GSTCD: variants seen among roughly 807,000 people sequenced by gnomAD.
GSTCD encodes the protein glutathione S-transferase C-terminal domain containing.
Under a neutral mutation model 68.3 loss-of-function variants are expected in GSTCD, and 44 were observed. The ratio of observed to expected loss-of-function variants is 0.64; its 90% CI spans 0.51 to 0.83. The LOEUF (loss-of-function observed/expected upper bound fraction) is 0.83, where lower values mean the gene tolerates loss of function less well. Among genes scored for constraint, GSTCD ranks in the 40% least tolerant of loss-of-function variants. The pLI is 0.00. For synonymous variants in GSTCD, 273 were observed against 255.2 expected, an observed-to-expected ratio of 1.07 and a Z score of -0.67; for missense variants, 739 against 735.9, an observed-to-expected ratio of 1.00 and a Z score of -0.05.
chr4:105,823,200 G>C, intron 6 of GSTCD, 31 bp from the exon 7 acceptor site: 1 of 1,613,010 alleles, frequency 6.2e-7, no homozygotes, highest in Non-Finnish European at 8.5e-7. Flanking sequence ...GGGGACCAAA[G>C]CTAACTTGTT....
At chr4:105,844,809 A>C (rs1378609932) in intron 11 of GSTCD, among the ~76,000 whole-genome samples, 1 of 152,214 alleles carries the variant, frequency 6.6e-6, no homozygotes, top group Non-Finnish European at 1.5e-5. Context: ...CTTGCCAGTC[A>C]GGTTTCCTTT....
intron 5 of GSTCD, among the ~76,000 whole-genome samples, chr4:105,822,158 C>A (rs1208015869): frequency 6.6e-6 from 1 of 151,962 alleles, no homozygotes; most frequent in Non-Finnish European, 1.5e-5. Flanking sequence ...CAAATAATTT[C>A]ATTCATTCTT....
At chr4:105,822,175 A>G (rs985760075) in intron 5 of GSTCD, among the ~76,000 whole-genome samples, 3 of 152,016 alleles carry the variant, frequency 2.0e-5, no homozygotes, top group Non-Finnish European at 4.4e-5. Context: ...TCTTCTGAAG[A>G]TATTTTTATG....
intron 5 of GSTCD, among the ~76,000 whole-genome samples, chr4:105,731,017 G>C (rs945673855): frequency 6.6e-6 from 1 of 152,072 alleles, no homozygotes; most frequent in African/African-American, 2.4e-5. Flanking sequence ...TTTTTGTCAG[G>C]TTTGTCAAAG....
Position 105,823,057 on chromosome 4 carries a change from C to T in GSTCD, c.1344C>T (p.Phe448=). 1.9e-6 allele frequency: 3 copies of T among 1,613,122 alleles called. No individual in the cohort carries two copies. The highest frequency in any genetic ancestry group is 1.7e-4 in the Middle Eastern group (1 of 6,060). The change falls in exon 6 of 12, where the codon TTC becomes TTT. Residue 448 remains phenylalanine, a synonymous_variant. Transcript: ENST00000515279. Reference sequence around the variant, plus strand: ...AACCTGGTGACAGAATTGTGGATTTCTGCAGCGGTGGGGTATTTTATCTCT... The same window carrying T: ...AACCTGGTGACAGAATTGTGGATTTTTGCAGCGGTGGGGTATTTTATCTCT... ...QAKPGDRIVD[F]CSGGGHVGIV... is the part of the protein sequence containing the mutation.
At chr4:105,773,204 C>A (rs1307164725) in intron 5 of GSTCD, among the ~76,000 whole-genome samples, 1 of 152,014 alleles carries the variant, frequency 6.6e-6, no homozygotes, top group Non-Finnish European at 1.5e-5. Context: ...GTGGTGATAT[C>A]CCCTTTATCA....
intron 5 of GSTCD, among the ~76,000 whole-genome samples, chr4:105,768,190 G>C (rs1734696931): frequency 6.6e-6 from 1 of 151,882 alleles, no homozygotes; most frequent in Non-Finnish European, 1.5e-5. Flanking sequence ...ACCACGCCCG[G>C]CTAATTTTTT....
chr4:105,726,494 A>C (rs193144581), intron 3 of GSTCD, 85 bp from the exon 4 acceptor site: 2 of 784,682 alleles, frequency 2.5e-6, no homozygotes, highest in Non-Finnish European at 4.0e-6. Flanking sequence ...TAAATGTGTG[A>C]ATGTTGTGGT....
At chr4:105,730,631 T>A (rs1233087996) in intron 5 of GSTCD, among the ~76,000 whole-genome samples, 1 of 152,212 alleles carries the variant, frequency 6.6e-6, no homozygotes, top group African/African-American at 2.4e-5. Context: ...CATTGTAGAT[T>A]CTGGATATTA....
At chr4:105,798,969 G>A (rs1054721162) in intron 5 of GSTCD, among the ~76,000 whole-genome samples, 1 of 152,194 alleles carries the variant, frequency 6.6e-6, no homozygotes, top group Non-Finnish European at 1.5e-5. Context: ...TGAAAAATCT[G>A]TTCTTTAGTG....
At chr4:105,783,570 C>T (rs1346908952) in intron 5 of GSTCD, among the ~76,000 whole-genome samples, 3 of 151,910 alleles carry the variant, frequency 2.0e-5, no homozygotes, top group African/African-American at 7.3e-5. Flanking sequence ...CTCTCTCCCT[C>T]TGTATATGTG....
intron 11 of GSTCD, among the ~76,000 whole-genome samples, chr4:105,843,298 C>G (rs1724428136): frequency 6.6e-6 from 1 of 152,164 alleles, no homozygotes; most frequent in African/African-American, 2.4e-5. Flanking sequence ...TTCTCTCTTG[C>G]CTGCAACCTC....
At chr4:105,818,449 A>G (rs1359479985) in intron 5 of GSTCD, among the ~76,000 whole-genome samples, 2 of 151,914 alleles carry the variant, frequency 1.3e-5, no homozygotes. Context: ...ATTCAAAGAA[A>G]TGTCACTTGT....
At chr4:105,811,478 A>G (rs545952568) in intron 5 of GSTCD, among the ~76,000 whole-genome samples, 88 of 134,338 alleles carry the variant, frequency 6.6e-4, no homozygotes, top group African/African-American at 2.5e-3. Flanking sequence ...CAGATGATGA[A>G]GTCTCAATGT....
At chr4:105,776,126 G>A (rs543300845) in intron 5 of GSTCD, among the ~76,000 whole-genome samples, 2 of 152,292 alleles carry the variant, frequency 1.3e-5, no homozygotes, top group African/African-American at 4.8e-5. Context: ...TAACTTCCTG[G>A]TGGCTTTGTT....
At position 105,809,010 on chromosome 4, in the gene GSTCD, C is replaced by T. The variant is rs535308740; in HGVS notation, c.1241-13944C>T. Among the ~76,000 whole-genome samples, 12 of 151,686 alleles carry T rather than the reference C, an allele frequency of 7.9e-5. No homozygotes were observed. In the South Asian group the frequency reaches 1.0e-3, roughly 13 times the overall value. ...AATGATGCTGACAGTTTGGATATGC[C>T]GAAGAGAAGCTATAAAGTGCAAGCA... On this transcript the variant is annotated intron_variant, in intron 5 of 11. Transcript: ENST00000515279.
intron 8 of GSTCD, among the ~76,000 whole-genome samples, chr4:105,832,260 T>C (rs1465261007): frequency 1.3e-5 from 2 of 152,348 alleles, no homozygotes; most frequent in East Asian, 3.9e-4. Context: ...CCAATGGTTT[T>C]TTTTTGGTCT....
intron 5 of GSTCD, among the ~76,000 whole-genome samples, chr4:105,744,360 C>T (rs1456759864): frequency 1.3e-5 from 2 of 152,100 alleles, no homozygotes; most frequent in Non-Finnish European, 1.5e-5. Flanking sequence ...CTGTGTAATA[C>T]CTTGTTTCTT....
chr4:105,782,417 A>C (rs1190846413), intron 5 of GSTCD, among the ~76,000 whole-genome samples: 3 of 152,134 alleles, frequency 2.0e-5, no homozygotes, highest in Non-Finnish European at 4.4e-5. Context: ...TGTTGAGCCC[A>C]AGAGGTTGTG....
Sources: gnomAD v4.1 joint callset for allele counts (sites outside exome capture counted in the v4.1 genomes callset) on GRCh38, gnomAD v4.1.1 for gene constraint, MANE v1.5 for transcripts, NCBI Gene and HGNC (gene_info 2026-07-23, HGNC 2026-07-21) for gene names.